ANKRD11: variants seen among roughly 807,000 people sequenced by gnomAD.
The protein encoded by ANKRD11 is ankyrin repeat domain 11.
A neutral mutation model predicts 195.7 loss-of-function variants in ANKRD11; 17 were observed. That is an observed-to-expected ratio of 0.09 (90% CI 0.06 to 0.13). The LOEUF (loss-of-function observed/expected upper bound fraction) is 0.13. Among genes scored for constraint, ANKRD11 ranks in the 10% least tolerant of loss-of-function variants. The probability of loss-of-function intolerance (pLI) is 1.00; values close to 1 mark genes in which losing one functional copy is unlikely to be tolerated. For missense variants in ANKRD11, 3,735 were observed against 3,566.1 expected, an observed-to-expected ratio of 1.05 and a Z score of -1.21; for synonymous variants, 1,953 against 1,528.1, an observed-to-expected ratio of 1.28 and a Z score of -6.49.
intron 2 of ANKRD11, among the ~76,000 whole-genome samples, chr16:89,373,997 C>T (rs2040308801): frequency 6.6e-6 from 1 of 152,256 alleles, no homozygotes; most frequent in Non-Finnish European, 1.5e-5. Context: ...CTGACGACCA[C>T]AATACCTGCA....
intron 1 of ANKRD11, among the ~76,000 whole-genome samples, chr16:89,444,943 C>A (rs1305455064): frequency 6.6e-6 from 1 of 152,198 alleles, no homozygotes; most frequent in Admixed American, 6.5e-5. Flanking sequence ...GAGGACATCA[C>A]CACAGGAGCA....
At chr16:89,374,668 T>C (rs1350136748) in intron 2 of ANKRD11, among the ~76,000 whole-genome samples, 1 of 151,980 alleles carries the variant, frequency 6.6e-6, no homozygotes, top group South Asian at 2.1e-4. Context: ...GGAGAAAAGC[T>C]CCTCCAGAGA....
chr16:89,413,351 C>A (rs559511478), intron 2 of ANKRD11, among the ~76,000 whole-genome samples: 106 of 152,246 alleles, frequency 7.0e-4, no homozygotes, highest in African/African-American at 2.4e-3. Context: ...GTGGACTGGG[C>A]GCAGTGGCTC....
intron 2 of ANKRD11, among the ~76,000 whole-genome samples, chr16:89,389,858 GAAAGA>G (rs2041098225): frequency 1.5e-5 from 2 of 133,502 alleles, no homozygotes; most frequent in Non-Finnish European, 3.2e-5. Flanking sequence ...AGCACCGAGA[GAAAGA>G]AGATCACTGG....
At chr16:89,317,571 A>C (rs1006694508) in intron 2 of ANKRD11, among the ~76,000 whole-genome samples, 5 of 151,998 alleles carry the variant, frequency 3.3e-5, no homozygotes, top group Non-Finnish European at 7.4e-5. Context: ...TCCTGTCCCC[A>C]CCAGGCCTGT....
At chr16:89,369,708 T>C (rs1292393835) in intron 2 of ANKRD11, among the ~76,000 whole-genome samples, 1 of 152,188 alleles carries the variant, frequency 6.6e-6, no homozygotes, top group African/African-American at 2.4e-5. Context: ...TCTGCATCTG[T>C]GATCAACTGT....
At chr16:89,289,531 G>C (rs1353915949) in intron 6 of ANKRD11, among the ~76,000 whole-genome samples, 1 of 152,078 alleles carries the variant, frequency 6.6e-6, no homozygotes, top group Non-Finnish European at 1.5e-5. Flanking sequence ...GGGGAGGCTC[G>C]CTCAGTTCTC....
intron 2 of ANKRD11, among the ~76,000 whole-genome samples, chr16:89,345,252 C>T (rs1567678460): frequency 1.4e-5 from 2 of 140,518 alleles, no homozygotes; most frequent in Non-Finnish European, 1.6e-5. Flanking sequence ...CAAGCCCCCC[C>T]TCCCCACCCC....
At chr16:89,450,639 C>G (rs2044028222) in intron 1 of ANKRD11, among the ~76,000 whole-genome samples, 1 of 152,132 alleles carries the variant, frequency 6.6e-6, no homozygotes, top group South Asian at 2.1e-4. Context: ...TTCCTAAACT[C>G]CTACTTTCTC....
At position 89,279,921 on chromosome 16, in the gene ANKRD11, G is replaced by A. The variant is rs539129565; in HGVS notation, c.6621C>T (p.Pro2207=). 5.3e-5 allele frequency: 86 copies of A among 1,609,918 alleles called. 1 individual carries two copies. Among genetic ancestry groups the A allele is most frequent in the African/African-American group, 2.5e-4 (19 of 75,000 alleles). ...CCACGTCCAGCTTTGGCTCCCCTGA[G>A]GGCTCAGGCTCGAGCTCTGCAGGGA... ...TRLPAELEPE[P]SGEPKLDVAL... The change falls in exon 9 of 13, where the codon CCC becomes CCT. Residue 2207 remains proline (P), a synonymous_variant. Coordinates refer to ENST00000301030, the MANE Select transcript of ANKRD11 (RefSeq NM_013275.6). The surrounding 1 kb of genome is among the most constrained non-coding windows in gnomAD (Gnocchi z 5.6).
intron 2 of ANKRD11, among the ~76,000 whole-genome samples, chr16:89,400,975 G>C (rs1457497179): frequency 6.6e-6 from 1 of 152,296 alleles, no homozygotes; most frequent in South Asian, 2.1e-4. Context: ...CCCCGGGGCT[G>C]CCTGGCATGG....
At chr16:89,469,756 G>A (rs2057008065) in intron 1 of ANKRD11, among the ~76,000 whole-genome samples, 2 of 149,844 alleles carry the variant, frequency 1.3e-5, no homozygotes, top group South Asian at 4.3e-4. Context: ...AAAAATAGCT[G>A]GGCGTGGTGG....
At chr16:89,304,854 G>A (rs1310775871) in intron 4 of ANKRD11, among the ~76,000 whole-genome samples, 3 of 152,192 alleles carry the variant, frequency 2.0e-5, no homozygotes, top group Non-Finnish European at 2.9e-5. Flanking sequence ...CTGTGCCTTT[G>A]TGGCCCTGAG....
chr16:89,270,693 A>T, intron 12 of ANKRD11, 124 bp downstream of exon 12: 2 of 929,418 alleles, frequency 2.2e-6, no homozygotes, highest in Non-Finnish European at 3.4e-6. Context: ...TGAAATTGTC[A>T]CCGCCCATCA....
At chr16:89,396,818 C>G (rs1033193988) in intron 2 of ANKRD11, among the ~76,000 whole-genome samples, 2 of 152,282 alleles carry the variant, frequency 1.3e-5, no homozygotes, top group Middle Eastern at 3.4e-3. Context: ...TCCCGAGTAG[C>G]TGGGACTACA....
intron 1 of ANKRD11, among the ~76,000 whole-genome samples, chr16:89,422,967 T>A (rs995888093): frequency 1.3e-5 from 2 of 152,224 alleles, no homozygotes; most frequent in Non-Finnish European, 2.9e-5. Context: ...TAGTCTTCAA[T>A]CCGCTAAGAT....
chr16:89,371,257 G>A (rs2040180186), intron 2 of ANKRD11, among the ~76,000 whole-genome samples: 1 of 152,212 alleles, frequency 6.6e-6, no homozygotes, highest in African/African-American at 2.4e-5. Flanking sequence ...CACCTACACA[G>A]AGAGGCAGGT....
intron 1 of ANKRD11, among the ~76,000 whole-genome samples, chr16:89,469,219 AT>A (rs1298087331): frequency 6.6e-6 from 1 of 151,946 alleles, no homozygotes; most frequent in African/African-American, 2.4e-5. Context: ...AGCCTGTGAT[AT>A]CCACTCTTTT....
chr16:89,484,573 T>C (rs532932854), intron 1 of ANKRD11, among the ~76,000 whole-genome samples: 18 of 152,258 alleles, frequency 1.2e-4, no homozygotes, highest in Admixed American at 3.9e-4. Context: ...AAAAGAGCCA[T>C]AGGGAGTCGA....
Sources: allele counts gnomAD v4.1 joint callset (sites outside exome capture counted in the v4.1 genomes callset), GRCh38; gene constraint gnomAD v4.1.1; non-coding constraint Gnocchi (gnomAD v3.1); transcripts MANE v1.5; gene names NCBI Gene and HGNC (gene_info 2026-07-23, HGNC 2026-07-21).